FBXL7: variants seen among roughly 807,000 people sequenced by gnomAD.
The protein encoded by FBXL7 is F-box and leucine rich repeat protein 7.
Under a neutral mutation model 38.3 loss-of-function variants are expected in FBXL7, and 12 were observed. The observed-to-expected ratio is 0.31, with a 90% confidence interval of 0.20 to 0.51. FBXL7 has a LOEUF of 0.51. Among genes scored for constraint, FBXL7 ranks in the 20% least tolerant of loss-of-function variants. The probability of loss-of-function intolerance (pLI) is 0.98; values close to 1 mark genes in which losing one functional copy is unlikely to be tolerated. For missense variants in FBXL7, 567 were observed against 676.4 expected (o/e 0.84, Z 1.79); for synonymous variants, 297 against 300.9 (o/e 0.99, Z 0.13).
At chr5:15,783,679 T>C (rs1737059255) in intron 2 of FBXL7, among the ~76,000 whole-genome samples, 1 of 152,056 alleles carries the variant, frequency 6.6e-6, no homozygotes, top group East Asian at 1.9e-4. Context: ...GAGAGGGCTG[T>C]AGAGGAATGA....
chr5:15,532,719 G>A (rs1275837414), intron 1 of FBXL7, among the ~76,000 whole-genome samples: 1 of 152,222 alleles, frequency 6.6e-6, no homozygotes, highest in East Asian at 1.9e-4. Flanking sequence ...TCCCTAGCCA[G>A]AGAACAGAGA....
At position 15,830,485 on chromosome 5, in the gene FBXL7, AACACACACAC is replaced by A. The variant is rs57825713; in HGVS notation, c.128-97374_128-97365del. On this transcript the variant is annotated intron_variant, in intron 2 of 3. Transcript: ENST00000504595. The stretch of plus-strand genomic sequence containing the variant: ...GGCGACAGAGTGAGACTCCATCTAA[AACACACACAC>A]ACACACACACACACACACACACACA... Among the ~76,000 whole-genome samples, 1,003 of 144,296 alleles carry A rather than the reference AACACACACAC, an allele frequency of 7.0e-3. 13 individuals are homozygous for A. The highest frequency in any genetic ancestry group is 0.024 in the African/African-American group (917 of 38,768). The allele number at this position is 144,296 out of a possible 152,430, so 94.7% of individuals were successfully genotyped here.
intron 2 of FBXL7, among the ~76,000 whole-genome samples, chr5:15,833,541 G>A (rs1344327678): frequency 2.6e-5 from 4 of 152,220 alleles, no homozygotes; most frequent in Non-Finnish European, 2.9e-5. Context: ...AACAGCTCCA[G>A]TATCTTCCCT....
intron 2 of FBXL7, among the ~76,000 whole-genome samples, chr5:15,681,051 A>G (rs1038019068): frequency 2.6e-5 from 4 of 152,234 alleles, no homozygotes; most frequent in Non-Finnish European, 5.9e-5. Context: ...ATGAGTGTGC[A>G]TAACATTTAA....
At chr5:15,724,757 T>C (rs781624147) in intron 2 of FBXL7, among the ~76,000 whole-genome samples, 1 of 152,230 alleles carries the variant, frequency 6.6e-6, no homozygotes, top group Non-Finnish European at 1.5e-5. Flanking sequence ...ACCGTAACTT[T>C]AGCTTATCAG....
At chr5:15,609,147 G>C (rs1306718791) in intron 1 of FBXL7, among the ~76,000 whole-genome samples, 1 of 152,122 alleles carries the variant, frequency 6.6e-6, no homozygotes, top group African/African-American at 2.4e-5. Flanking sequence ...ATATAACAGT[G>C]GCTGATGTTT....
At chr5:15,927,201 T>C (rs1043207356) in intron 2 of FBXL7, among the ~76,000 whole-genome samples, 2 of 152,092 alleles carry the variant, frequency 1.3e-5, no homozygotes, top group Admixed American at 1.3e-4. Flanking sequence ...CGCTCCTTTG[T>C]TTACACTCTG....
At chr5:15,883,293 T>C (rs1035778214) in intron 2 of FBXL7, among the ~76,000 whole-genome samples, 1 of 152,110 alleles carries the variant, frequency 6.6e-6, no homozygotes, top group African/African-American at 2.4e-5. Flanking sequence ...GACAGAGAAG[T>C]TTTAAGGTTT....
intron 2 of FBXL7, among the ~76,000 whole-genome samples, chr5:15,682,691 AAC>A (rs1184442220): frequency 6.6e-6 from 1 of 152,180 alleles, no homozygotes; most frequent in Non-Finnish European, 1.5e-5. Context: ...CCTAAATGAT[AAC>A]ACATTTCCTC....
At chr5:15,587,188 T>A (rs1739332213) in intron 1 of FBXL7, among the ~76,000 whole-genome samples, 1 of 152,226 alleles carries the variant, frequency 6.6e-6, no homozygotes, top group South Asian at 2.1e-4. Context: ...TTTTGGGTCT[T>A]GCATGATTCA....
At chr5:15,589,417 C>T (rs1260878001) in intron 1 of FBXL7, among the ~76,000 whole-genome samples, 4 of 152,108 alleles carry the variant, frequency 2.6e-5, no homozygotes, top group Non-Finnish European at 5.9e-5. Flanking sequence ...CTCTCTCTTC[C>T]TCCTTCTCCA....
chr5:15,539,541 C>A (rs1737678086), intron 1 of FBXL7, among the ~76,000 whole-genome samples: 1 of 152,066 alleles, frequency 6.6e-6, no homozygotes, highest in Admixed American at 6.6e-5. Context: ...GTAGAAGCTT[C>A]TATTGATGAG....
At chr5:15,774,742 T>A (rs1018869013) in intron 2 of FBXL7, among the ~76,000 whole-genome samples, 19 of 152,300 alleles carry the variant, frequency 1.2e-4, no homozygotes, top group African/African-American at 3.6e-4. Flanking sequence ...TTCAAAGTAG[T>A]TAGAGCGACA....
chr5:15,847,493 G>A (rs915497964), intron 2 of FBXL7, among the ~76,000 whole-genome samples: 1 of 152,064 alleles, frequency 6.6e-6, no homozygotes, highest in African/African-American at 2.4e-5. Flanking sequence ...TGAGATTTGG[G>A]TGGGGACAAG....
intron 2 of FBXL7, among the ~76,000 whole-genome samples, chr5:15,711,397 T>C (rs1230671405): frequency 6.6e-6 from 1 of 152,218 alleles, no homozygotes; most frequent in African/African-American, 2.4e-5. Flanking sequence ...TGTCTTGTTA[T>C]ATGGACATAA....
At chr5:15,603,622 T>G (rs940958062) in intron 1 of FBXL7, among the ~76,000 whole-genome samples, 2 of 152,242 alleles carry the variant, frequency 1.3e-5, no homozygotes, top group Non-Finnish European at 2.9e-5. Flanking sequence ...AACTGCATCC[T>G]GGATCACTCC....
chr5:15,773,620 G>C (rs1439095612), intron 2 of FBXL7, among the ~76,000 whole-genome samples: 1 of 152,142 alleles, frequency 6.6e-6, no homozygotes, highest in Non-Finnish European at 1.5e-5. Context: ...CTGCACTCCA[G>C]CCTGGGTGAC....
intron 2 of FBXL7, among the ~76,000 whole-genome samples, chr5:15,799,240 G>A (rs1737494487): frequency 6.6e-6 from 1 of 151,972 alleles, no homozygotes; most frequent in African/African-American, 2.4e-5. Flanking sequence ...TCTGTGGATA[G>A]ACAGAAGGAG....
rs143424708 is a variant in FBXL7 at position 15,920,130 on chromosome 5, G to A, written c.128-7760G>A. Among the ~76,000 whole-genome samples, 552 of 152,214 alleles carry A rather than the reference G, an allele frequency of 3.6e-3. 3 individuals are homozygous for A. Among genetic ancestry groups the A allele is most frequent in the African/African-American group, 0.013 (530 of 41,560 alleles). Reference sequence around the variant, plus strand: ...AAATTAGCCAGGTATGCTGGCAGGCGCCTGTAATCCCAGCGACTCAGGAGG... The same window carrying A: ...AAATTAGCCAGGTATGCTGGCAGGCACCTGTAATCCCAGCGACTCAGGAGG... On this transcript the variant is annotated intron_variant, in intron 2 of 3. Transcript: ENST00000504595.
Sources: gnomAD v4.1 joint callset for allele counts (sites outside exome capture counted in the v4.1 genomes callset) on GRCh38, gnomAD v4.1.1 for gene constraint, MANE v1.5 for transcripts, NCBI Gene and HGNC (gene_info 2026-07-23, HGNC 2026-07-21) for gene names.